The following CTIF variants were observed in gnomAD, a reference collection of about 807,000 sequenced individuals.
CTIF encodes the protein CBP80/20-dependent translation initiation factor.
CTIF carries 21 observed loss-of-function variants against 66.0 expected under a neutral mutation model. The ratio of observed to expected loss-of-function variants is 0.32; its 90% CI spans 0.23 to 0.46. The LOEUF (loss-of-function observed/expected upper bound fraction) is 0.46, where lower values mean the gene tolerates loss of function less well. Ranked by LOEUF, CTIF falls within the 20% of genes least tolerant of loss-of-function variation. CTIF has a pLI of 1.00. For synonymous variants in CTIF, 345 were observed against 326.4 expected (o/e 1.06, Z -0.62); for missense variants, 739 against 812.7 (o/e 0.91, Z 1.10).
chr18:48,561,382 G>T (rs1396067994), intron 1 of CTIF, among the ~76,000 whole-genome samples: 2 of 151,994 alleles, frequency 1.3e-5, no homozygotes, highest in African/African-American at 4.8e-5. Flanking sequence ...GCTCCCCCTT[G>T]TCCTGGGCAT....
At position 48,655,068 on chromosome 18, in the gene CTIF, C is replaced by G. The variant is rs1416303374; in HGVS notation, c.253-8684C>G. Among the ~76,000 whole-genome samples the G allele has an allele frequency of 2.6e-5, 4 of 151,842 alleles. 1 individual carries two copies. Among genetic ancestry groups the G allele is most frequent in the Admixed American group, 2.6e-4 (4 of 15,248 alleles). ...AGCAAACCAACATGGCACATGTATA[C>G]CTATATAACAAACCTGCGCATTGTG... is the stretch of plus-strand genomic sequence containing the variant. On this transcript the variant is annotated intron_variant, in intron 3 of 11. Transcript: ENST00000256413.
At chr18:48,802,765 C>T (rs1034375602) in intron 9 of CTIF, among the ~76,000 whole-genome samples, 1 of 152,226 alleles carries the variant, frequency 6.6e-6, no homozygotes, top group Admixed American at 6.5e-5. Context: ...AGCCTGGGAA[C>T]TTCAGCCCCC....
intron 5 of CTIF, among the ~76,000 whole-genome samples, chr18:48,667,705 G>A (rs1005382200): frequency 1.3e-5 from 2 of 152,158 alleles, no homozygotes; most frequent in African/African-American, 4.8e-5. Context: ...ACCAGCTGTG[G>A]GCCTAAATTC....
intron 1 of CTIF, among the ~76,000 whole-genome samples, chr18:48,604,672 C>T (rs144000379): frequency 1.2e-3 from 182 of 152,276 alleles, no homozygotes; most frequent in African/African-American, 4.1e-3. Flanking sequence ...ATAATTTACA[C>T]ATTTAAAATA....
intron 6 of CTIF, among the ~76,000 whole-genome samples, chr18:48,700,218 C>G (rs1454898785): frequency 2.0e-5 from 3 of 152,230 alleles, no homozygotes; most frequent in East Asian, 1.9e-4. Flanking sequence ...TGTACATGCT[C>G]TCTTTCTGCT....
At chr18:48,557,347 G>A (rs151275167) in intron 1 of CTIF, among the ~76,000 whole-genome samples, 4 of 152,312 alleles carry the variant, frequency 2.6e-5, no homozygotes, top group African/African-American at 9.6e-5. Flanking sequence ...GCTTTTGGAT[G>A]AGGGATAGGC....
chr18:48,854,245 G>A (rs1382347595), intron 10 of CTIF, among the ~76,000 whole-genome samples: 1 of 152,134 alleles, frequency 6.6e-6, no homozygotes, highest in Non-Finnish European at 1.5e-5. Context: ...AGCAGGGAGG[G>A]CAGGGACTGG....
intron 9 of CTIF, among the ~76,000 whole-genome samples, chr18:48,788,978 A>T (rs1342775886): frequency 6.6e-6 from 1 of 152,036 alleles, no homozygotes; most frequent in East Asian, 1.9e-4. Context: ...GGCCTGGGAG[A>T]CCCTGGGCAG....
At chr18:48,832,763 C>T (rs183830838) in intron 10 of CTIF, among the ~76,000 whole-genome samples, 1 of 152,338 alleles carries the variant, frequency 6.6e-6, no homozygotes, top group Admixed American at 6.5e-5. Context: ...AAAAGCCAGA[C>T]TTAGGAAACG....
chr18:48,848,396 G>A (rs1254681715), intron 10 of CTIF, among the ~76,000 whole-genome samples: 4 of 152,262 alleles, frequency 2.6e-5, no homozygotes, highest in African/African-American at 4.8e-5. Flanking sequence ...ACCTCCAGTC[G>A]CTACCAAAGG....
intron 10 of CTIF, among the ~76,000 whole-genome samples, chr18:48,851,115 C>T (rs945241885): frequency 2.0e-5 from 3 of 152,248 alleles, no homozygotes; most frequent in Non-Finnish European, 4.4e-5. Flanking sequence ...GAGAACCCGC[C>T]CCCAGCTCTG....
intron 1 of CTIF, among the ~76,000 whole-genome samples, chr18:48,604,168 GTTTTTTTTTT>G (rs34544217): frequency 6.0e-4 from 38 of 63,286 alleles, no homozygotes; most frequent in African/African-American, 2.5e-3. Flanking sequence ...TTTTTTAAGG[GTTTTTTTTTT>G]TTTTTTTTTT....
chr18:48,656,201 T>G (rs1169577864), intron 3 of CTIF, among the ~76,000 whole-genome samples: 1 of 152,270 alleles, frequency 6.6e-6, no homozygotes, highest in Non-Finnish European at 1.5e-5. Context: ...GATACGTTCC[T>G]GCTTTATGGA....
At chr18:48,858,342 G>T (rs2069376855) in intron 11 of CTIF, among the ~76,000 whole-genome samples, 1 of 152,278 alleles carries the variant, frequency 6.6e-6, no homozygotes, top group East Asian at 1.9e-4. Flanking sequence ...GGGTCTGTGG[G>T]ACTCAGTTTG....
chr18:48,772,193 C>A (rs1017336233), intron 9 of CTIF, among the ~76,000 whole-genome samples: 1 of 152,150 alleles, frequency 6.6e-6, no homozygotes, highest in Non-Finnish European at 1.5e-5. Flanking sequence ...CAGAGGCCTG[C>A]CCCAGTATTA....
chr18:48,717,441 ATAAATAAT>A (rs1329336456), intron 7 of CTIF, among the ~76,000 whole-genome samples: 1 of 149,528 alleles, frequency 6.7e-6, no homozygotes, highest in Non-Finnish European at 1.5e-5. Context: ...AAATAAATAA[ATAAATAAT>A]AAGAATTTTG....
intron 9 of CTIF, among the ~76,000 whole-genome samples, chr18:48,766,567 A>C (rs1412682816): frequency 6.6e-6 from 1 of 152,238 alleles, no homozygotes; most frequent in Non-Finnish European, 1.5e-5. Flanking sequence ...CCAAGGACGC[A>C]ACCTGGGCAT....
intron 7 of CTIF, among the ~76,000 whole-genome samples, chr18:48,739,418 G>T (rs1414499355): frequency 6.6e-6 from 1 of 152,258 alleles, no homozygotes; most frequent in Non-Finnish European, 1.5e-5. Context: ...GAGGTTTTCA[G>T]TTGGACTTGA....
intron 9 of CTIF, among the ~76,000 whole-genome samples, chr18:48,809,193 A>G (rs2068212350): frequency 6.6e-6 from 1 of 152,212 alleles, no homozygotes; most frequent in African/African-American, 2.4e-5. Flanking sequence ...CATAAAAGAA[A>G]GCTGTTGATT....
Sources: allele counts gnomAD v4.1 joint callset (sites outside exome capture counted in the v4.1 genomes callset), GRCh38; gene constraint gnomAD v4.1.1; transcripts MANE v1.5; gene names NCBI Gene and HGNC (gene_info 2026-07-23, HGNC 2026-07-21).